The following C7orf78 variants were observed in gnomAD, a reference collection of about 807,000 sequenced individuals.
C7orf78 encodes the protein putative uncharacterized protein C7orf78.
the C7orf78 span, among the ~76,000 whole-genome samples, chr7:12,520,125 G>C: frequency 5.5e-3 from 843 of 152,298 alleles, 28 homozygotes; most frequent in East Asian, 0.08. Flanking sequence ...CTGCAAAAAG[G>C]AGCCCCTATG....
the C7orf78 span, among the ~76,000 whole-genome samples, chr7:12,501,444 A>G: frequency 1.3e-5 from 2 of 152,074 alleles, no homozygotes; most frequent in African/African-American, 4.8e-5. Flanking sequence ...ACAACAGACA[A>G]ACAGAGAGCT....
At chr7:12,522,750 A>G in the C7orf78 span, among the ~76,000 whole-genome samples, 1 of 152,192 alleles carries the variant, frequency 6.6e-6, no homozygotes, top group African/African-American at 2.4e-5. Context: ...AATCATTTAA[A>G]AAATTACCAG....
the C7orf78 span, chr7:12,523,569 T>C: frequency 1.3e-4 from 53 of 392,794 alleles, no homozygotes; most frequent in African/African-American, 1.0e-3. Flanking sequence ...TGCCTTTTTT[T>C]CTCATGGTAC....
At chr7:12,507,181 A>G in the C7orf78 span, 1 of 218,922 alleles carries the variant, frequency 4.6e-6, no homozygotes, top group Non-Finnish European at 9.0e-6. Context: ...GTGGCAGACA[A>G]CTGTAGTCCC....
chr7:12,492,553 G>A, the C7orf78 span, among the ~76,000 whole-genome samples: 1 of 152,190 alleles, frequency 6.6e-6, no homozygotes, highest in Non-Finnish European at 1.5e-5. Flanking sequence ...GCATGCATAT[G>A]CATACATAAA....
chr7:12,494,288 G>A, the C7orf78 span, among the ~76,000 whole-genome samples: 23 of 152,178 alleles, frequency 1.5e-4, 1 homozygote, highest in Non-Finnish European at 4.4e-5. Flanking sequence ...GCACTGTGGT[G>A]TACATGGTGC....
chr7:12,521,644 C>CTTTT, the C7orf78 span, among the ~76,000 whole-genome samples: 136 of 124,758 alleles, frequency 1.1e-3, 1 homozygote, highest in Non-Finnish European at 1.6e-3. Context: ...TGGGTTTGGG[C>CTTTT]TTTTTTTTTT....
At chr7:12,507,254 G>C in the C7orf78 span, 1 of 152,842 alleles carries the variant, frequency 6.5e-6, no homozygotes, top group Admixed American at 7.4e-5. Context: ...GTTGCAGTGA[G>C]CCAAGATCGT....
the C7orf78 span, among the ~76,000 whole-genome samples, chr7:12,503,233 T>TAAATAAATA: frequency 1.5e-5 from 2 of 135,612 alleles, no homozygotes; most frequent in African/African-American, 2.7e-5. Context: ...TAAAGTATAA[T>TAAATAAATA]AATAAACAAA....
the C7orf78 span, among the ~76,000 whole-genome samples, chr7:12,529,928 A>T: frequency 6.6e-6 from 1 of 152,204 alleles, no homozygotes; most frequent in Non-Finnish European, 1.5e-5. Context: ...ATTTACACCC[A>T]CTTTTAACTA....
the C7orf78 span, among the ~76,000 whole-genome samples, chr7:12,512,497 C>G: frequency 6.6e-6 from 1 of 152,118 alleles, no homozygotes; most frequent in African/African-American, 2.4e-5. Flanking sequence ...TGTTTACTGA[C>G]TTCCACATGT....
the C7orf78 span, chr7:12,523,090 G>GA: frequency 5.0e-6 from 2 of 398,132 alleles, no homozygotes; most frequent in East Asian, 7.1e-5. Context: ...ACTCCAAATG[G>GA]AAAAAAAGTG....
the C7orf78 span, chr7:12,538,563 G>A: frequency 1.3e-5 from 2 of 152,184 alleles, no homozygotes; most frequent in Admixed American, 6.5e-5. Flanking sequence ...GTCCTAGACA[G>A]AGGCCTCATT....
chr7:12,516,639 C>T, the C7orf78 span, among the ~76,000 whole-genome samples: 4 of 152,310 alleles, frequency 2.6e-5, no homozygotes, highest in East Asian at 1.9e-4. Flanking sequence ...GAAAGCTGTA[C>T]CCTGCAAAGC....
At chr7:12,534,562 G>C in the C7orf78 span, among the ~76,000 whole-genome samples, 1 of 152,078 alleles carries the variant, frequency 6.6e-6, no homozygotes, top group Non-Finnish European at 1.5e-5. Context: ...AGAGCTTAGA[G>C]AAAATATTTG....
At chr7:12,491,226 A>C in the C7orf78 span, 1 of 152,212 alleles carries the variant, frequency 6.6e-6, no homozygotes, top group African/African-American at 2.4e-5. Flanking sequence ...AGCTAATGCC[A>C]ATTCAAATCC....
chr7:12,533,803 A>G, the C7orf78 span, among the ~76,000 whole-genome samples: 1 of 152,270 alleles, frequency 6.6e-6, no homozygotes, highest in Admixed American at 6.5e-5. Flanking sequence ...GGCGTGAGCC[A>G]CCATACCTAG....
the C7orf78 span, chr7:12,506,078 A>C: frequency 6.5e-6 from 1 of 152,760 alleles, no homozygotes; most frequent in African/African-American, 2.4e-5. Flanking sequence ...GATGACTATC[A>C]AAACCACAAT....
At chr7:12,489,921 C>A in the C7orf78 span, among the ~76,000 whole-genome samples, 2 of 151,958 alleles carry the variant, frequency 1.3e-5, no homozygotes, top group Non-Finnish European at 2.9e-5. Context: ...CATGGAAGAC[C>A]CTGAGGGGAT....
Sources: gnomAD v4.1 joint callset for allele counts (sites outside exome capture counted in the v4.1 genomes callset) on GRCh38, gnomAD v4.1.1 for gene constraint, MANE v1.5 for transcripts, NCBI Gene and HGNC (gene_info 2026-07-23, HGNC 2026-07-21) for gene names.